The following ONECUT2 variants were observed in gnomAD, a reference collection of about 807,000 sequenced individuals.
ONECUT2 encodes the protein one cut domain family member 2.
Under a neutral mutation model 27.9 loss-of-function variants are expected in ONECUT2, and 10 were observed. The observed-to-expected ratio is 0.36, with a 90% confidence interval of 0.22 to 0.61. ONECUT2 has a LOEUF of 0.61. Among genes scored for constraint, ONECUT2 ranks in the 20% least tolerant of loss-of-function variants. The pLI is 0.73. For synonymous variants in ONECUT2, 334 were observed against 315.1 expected, an observed-to-expected ratio of 1.06 and a Z score of -0.64; for missense variants, 686 against 721.0, an observed-to-expected ratio of 0.95 and a Z score of 0.56.
chr18:57,445,605 G>C (rs1009312324), intron 1 of ONECUT2, among the ~76,000 whole-genome samples: 4 of 152,096 alleles, frequency 2.6e-5, no homozygotes, highest in Non-Finnish European at 5.9e-5. Flanking sequence ...TGATTTCGTA[G>C]GTGAGCTAAT....
chr18:57,455,538 C>T (rs2122122412), intron 1 of ONECUT2, among the ~76,000 whole-genome samples: 1 of 152,256 alleles, frequency 6.6e-6, no homozygotes, highest in Non-Finnish European at 1.5e-5. Flanking sequence ...CTTGGTGATT[C>T]ATTACTCTCT....
chr18:57,487,783 A>G lies in ONECUT2; in HGVS notation c.*11060A>G, dbSNP rs546653708. On this transcript the variant is annotated 3_prime_UTR_variant, in exon 2 of 2. Coordinates refer to ENST00000491143, the MANE Select transcript of ONECUT2 (RefSeq NM_004852.3). ...AAGAAGAAGTTTTGAAACCCACTTT[A>G]GGAAAACCATCTTCTTTAAATCCTT... 16 of 152,328 alleles carry G rather than the reference A, an allele frequency of 1.1e-4. No individual in the cohort carries two copies. The highest frequency in any genetic ancestry group is 8.5e-4 in the Admixed American group (13 of 15,298). 9.4% of individuals were successfully genotyped at this position (152,328 alleles called of 1,614,324 possible). A position where few individuals can be genotyped will look rare whatever the true frequency, so the allele number is the denominator to read the frequency against.
At chr18:57,456,848 T>TCCC (rs1270266374) in intron 1 of ONECUT2, among the ~76,000 whole-genome samples, 1 of 152,234 alleles carries the variant, frequency 6.6e-6, no homozygotes. Flanking sequence ...CGGTGGCATG[T>TCCC]ACCTGCAGTC....
At chr18:57,473,266 A>G (rs1411947261) in intron 1 of ONECUT2, among the ~76,000 whole-genome samples, 2 of 152,216 alleles carry the variant, frequency 1.3e-5, no homozygotes, top group Admixed American at 1.3e-4. Context: ...CTGGGTCTGC[A>G]GCAAACCTGG....
At chr18:57,455,473 T>C (rs1393829490) in intron 1 of ONECUT2, among the ~76,000 whole-genome samples, 1 of 152,242 alleles carries the variant, frequency 6.6e-6, no homozygotes, top group African/African-American at 2.4e-5. Context: ...TTCATATTCA[T>C]TAGTGTTTTC....
chr18:57,445,312 G>A (rs539758054), intron 1 of ONECUT2, among the ~76,000 whole-genome samples: 22 of 152,314 alleles, frequency 1.4e-4, no homozygotes, highest in African/African-American at 4.6e-4. Flanking sequence ...CTGGATGTGG[G>A]AAGCAACGGG....
At chr18:57,448,920 A>G (rs565253185) in intron 1 of ONECUT2, among the ~76,000 whole-genome samples, 5 of 152,238 alleles carry the variant, frequency 3.3e-5, no homozygotes, top group Non-Finnish European at 5.9e-5. Context: ...AACCTAAAAG[A>G]TGTAGGGGAA....
intron 1 of ONECUT2, among the ~76,000 whole-genome samples, chr18:57,446,873 G>A (rs920743171): frequency 1.3e-5 from 2 of 152,220 alleles, no homozygotes; most frequent in African/African-American, 4.8e-5. Context: ...ATAGCCGTGG[G>A]AGGGAAAACG....
chr18:57,446,821 G>C (rs557162790), intron 1 of ONECUT2, among the ~76,000 whole-genome samples: 87 of 152,342 alleles, frequency 5.7e-4, no homozygotes, highest in African/African-American at 2.1e-3. Flanking sequence ...CTCCTGCTTA[G>C]TTGGACTGTG....
At chr18:57,469,680 G>T (rs1257298045) in intron 1 of ONECUT2, among the ~76,000 whole-genome samples, 1 of 152,212 alleles carries the variant, frequency 6.6e-6, no homozygotes, top group Non-Finnish European at 1.5e-5. Flanking sequence ...CCTCTGGGCA[G>T]TTCATCTACT....
rs2050431709 is a variant in ONECUT2, at chr18:57,484,999, C to G, written c.*8276C>G. The stretch of plus-strand genomic sequence containing the variant: ...CATAGTCACATATGGTCGGTTGCTT[C>G]GTGAAGGTGGCCTGTCTTGAAATAC... On this transcript the variant is annotated 3_prime_UTR_variant, in exon 2 of 2. Transcript: ENST00000491143. The G allele has an allele frequency of 6.6e-6, 1 of 150,394 alleles. No homozygotes were observed. Among genetic ancestry groups the G allele is most frequent in the Non-Finnish European group, 1.5e-5 (1 of 67,934 alleles). 9.3% of individuals were successfully genotyped at this position (150,394 alleles called of 1,614,324 possible).
At chr18:57,468,253 A>G (rs1472193765) in intron 1 of ONECUT2, among the ~76,000 whole-genome samples, 1 of 152,206 alleles carries the variant, frequency 6.6e-6, no homozygotes, top group Non-Finnish European at 1.5e-5. Flanking sequence ...CATCTGGTAC[A>G]TGAAGACCAA....
chr18:57,447,386 T>A (rs1216308662), intron 1 of ONECUT2, among the ~76,000 whole-genome samples: 3 of 152,264 alleles, frequency 2.0e-5, no homozygotes, highest in African/African-American at 4.8e-5. Flanking sequence ...TCTCCAGCTC[T>A]GTAGGTCTCA....
chr18:57,465,969 C>A (rs1361798478), intron 1 of ONECUT2, among the ~76,000 whole-genome samples: 4 of 152,216 alleles, frequency 2.6e-5, no homozygotes, highest in African/African-American at 9.6e-5. Flanking sequence ...CACACGACAA[C>A]CCCCGGTATA....
chr18:57,443,927 G>A (rs967354019), intron 1 of ONECUT2, among the ~76,000 whole-genome samples: 5 of 152,214 alleles, frequency 3.3e-5, no homozygotes, highest in South Asian at 2.1e-4. Flanking sequence ...TGGGTTGGAA[G>A]CACACCTCCA....
chr18:57,461,670 T>A (rs949354615), intron 1 of ONECUT2, among the ~76,000 whole-genome samples: 2 of 152,216 alleles, frequency 1.3e-5, no homozygotes, highest in Admixed American at 1.3e-4. Flanking sequence ...AGAGAAAATA[T>A]GCCTTAGAGT....
chr18:57,467,626 A>G (rs575263908), intron 1 of ONECUT2, among the ~76,000 whole-genome samples: 2 of 152,198 alleles, frequency 1.3e-5, no homozygotes, highest in African/African-American at 4.8e-5. Flanking sequence ...CAGCCTCCCG[A>G]AGTGCTGGGA....
chr18:57,464,464 GTTTTT>G (rs1568122941), intron 1 of ONECUT2, among the ~76,000 whole-genome samples: 1 of 150,274 alleles, frequency 6.7e-6, no homozygotes, highest in Non-Finnish European at 1.5e-5. Flanking sequence ...TTGTTTTTTT[GTTTTT>G]GTTTTTGTTT....
At chr18:57,438,090 C>G (rs1018446430) in intron 1 of ONECUT2, among the ~76,000 whole-genome samples, 2 of 152,210 alleles carry the variant, frequency 1.3e-5, no homozygotes, top group Non-Finnish European at 2.9e-5. Flanking sequence ...CCTGTGTGGG[C>G]GGCGGGTGCG....
Sources: allele counts gnomAD v4.1 joint callset (sites outside exome capture counted in the v4.1 genomes callset), GRCh38; gene constraint gnomAD v4.1.1; transcripts MANE v1.5; gene names NCBI Gene and HGNC (gene_info 2026-07-23, HGNC 2026-07-21).